Variants in ZNF23 observed in about 807,000 individuals in gnomAD.
The protein encoded by ZNF23 is kruppel-like zinc finger factor X31.
A neutral mutation model predicts 56.2 loss-of-function variants in ZNF23; 48 were observed. That is an observed-to-expected ratio of 0.85 (90% CI 0.68 to 1.09). The LOEUF (loss-of-function observed/expected upper bound fraction) is 1.09, where lower values mean the gene tolerates loss of function less well. ZNF23 is among the 50% of genes least tolerant of loss of function. ZNF23 has a pLI of 0.00. For synonymous variants in ZNF23, 266 were observed against 283.3 expected, an observed-to-expected ratio of 0.94 and a Z score of 0.61; for missense variants, 805 against 811.4, an observed-to-expected ratio of 0.99 and a Z score of 0.10.
At chr16:71,460,174 T>TA (rs2043390189) in intron 1 of ZNF23, among the ~76,000 whole-genome samples, 1 of 152,154 alleles carries the variant, frequency 6.6e-6, no homozygotes, top group South Asian at 2.1e-4. Flanking sequence ...AAAAAGTACT[T>TA]AGAGACGAGG....
intron 1 of ZNF23, among the ~76,000 whole-genome samples, chr16:71,458,326 C>T (rs896303391): frequency 6.6e-6 from 1 of 152,180 alleles, no homozygotes; most frequent in Non-Finnish European, 1.5e-5. Context: ...AAATATCATC[C>T]ATTTCTTCCA....
rs1567559030 is a variant in ZNF23 at position 71,448,125 on chromosome 16, G to A, written c.2029C>T (p.His677Tyr). ...TTTCCTTCACTATGGACACTCTGAT[G>A]CTGACTGAGCTGGAAGCTAAACCTG... The part of the protein sequence containing the change: ...AFRFSFQLSQ[H>Y]QSVHSEGKS Residue 677 changes from histidine to tyrosine, a missense_variant, in exon 5 of 5, where the codon CAT becomes TAT. Transcript: ENST00000647773. The A allele has an allele frequency of 3.7e-6, 6 of 1,612,200 alleles. No homozygotes were observed. In the South Asian group the frequency reaches 6.6e-5, roughly 18 times the overall value.
intron 1 of ZNF23, among the ~76,000 whole-genome samples, chr16:71,461,460 A>C (rs1483927534): frequency 6.6e-6 from 1 of 152,242 alleles, no homozygotes; most frequent in East Asian, 1.9e-4. Flanking sequence ...TTTTGACTAA[A>C]TACCATAAGA....
intron 1 of ZNF23, among the ~76,000 whole-genome samples, chr16:71,458,888 T>C (rs573085018): frequency 1.0e-3 from 156 of 152,350 alleles, no homozygotes; most frequent in African/African-American, 3.5e-3. Context: ...ACTAATACAG[T>C]TAGGCTGAGC....
chr16:71,447,828 G>A lies in ZNF23; in HGVS notation c.*265C>T. 3.6e-6 allele frequency: 1 copy of A among 280,756 alleles called. No homozygotes were observed. The highest frequency in any genetic ancestry group is 6.6e-6 in the Non-Finnish European group (1 of 151,948). The allele number at this position is 280,756 out of a possible 1,614,324, so 17.4% of individuals were successfully genotyped here. A position where few individuals can be genotyped will look rare whatever the true frequency, so the allele number is the denominator to read the frequency against. ...AGTCCTCCATAACTGTTTATTTCTA[G>A]AAAATCTACTTTTCTTGATGCTGCT... On this transcript the variant is annotated 3_prime_UTR_variant, in exon 5 of 5. Coordinates refer to ENST00000647773, the MANE Select transcript of ZNF23 (RefSeq NM_001381984.1).
intron 2 of ZNF23, among the ~76,000 whole-genome samples, chr16:71,454,389 A>G (rs1313919162): frequency 6.6e-6 from 1 of 152,192 alleles, no homozygotes; most frequent in Admixed American, 6.5e-5. Flanking sequence ...TTTCACACAA[A>G]TAAGAGGTCA....
Position 71,454,056 on chromosome 16 carries a change from T to C in ZNF23, c.146A>G (p.Asn49Ser). Reference protein sequence around the residue: ...YRDVMLENYGNVASLGFPLLK... With the variant: ...YRDVMLENYGSVASLGFPLLK... ...AGAGGTCTTACCCAGGGAGGCCACA[T>C]TCCCATAATTCTCCAGCATCACATC... The change falls in exon 3 of 5, where the codon AAT (asparagine) becomes AGT (serine). Residue 49 changes from asparagine (N) to serine (S), a missense_variant. Asn to Ser is a conservative substitution (Grantham distance 46). Transcript: ENST00000647773. 1 of 1,614,106 alleles carries C rather than the reference T, an allele frequency of 6.2e-7. No individual in the cohort carries two copies. Among genetic ancestry groups the C allele is most frequent in the Non-Finnish European group, 8.5e-7 (1 of 1,180,004 alleles).
At chr16:71,452,477 G>T (rs1378663267) in intron 4 of ZNF23, 2 of 152,224 alleles carry the variant, frequency 1.3e-5, no homozygotes, top group Non-Finnish European at 2.9e-5. Context: ...GTAACCAGAA[G>T]TACTGGCATC....
At chr16:71,456,743 C>G (rs1038507427) in intron 2 of ZNF23, 21 bp downstream of exon 2, 2 of 985,958 alleles carry the variant, frequency 2.0e-6, no homozygotes, top group Admixed American at 6.1e-5. Context: ...AGAGGAAGAG[C>G]TGAAGGACCC....
rs1170593378 is a variant in ZNF23, at chr16:71,448,718, C to T, written c.1436G>A (p.Arg479Gln). The T allele has an allele frequency of 1.1e-5, 17 of 1,613,850 alleles. No homozygotes were observed. Among genetic ancestry groups the T allele is most frequent in the South Asian group, 3.3e-5 (3 of 91,064 alleles). Residue 479 changes from arginine to glutamine, a missense_variant, in exon 5 of 5, where the codon CGG becomes CAG. Transcript: ENST00000647773. ...GKAFRCNSQF[R>Q]QHLRIHTGEK... ...CCCAGTGTGAATTCTCAGATGCTGC[C>T]GAAATTGGGAGTTACATCTGAAGGC... is the stretch of plus-strand genomic sequence containing the variant.
chr16:71,461,991 C>T (rs2043476910), intron 1 of ZNF23: 1 of 152,308 alleles, frequency 6.6e-6, no homozygotes, highest in Non-Finnish European at 1.5e-5. Flanking sequence ...GTTTCCCCTT[C>T]CAATGGGCGC....
At position 71,448,263 on chromosome 16, in the gene ZNF23, A is replaced by AG. The variant is rs754118349; in HGVS notation, c.1890dup (p.Phe631LeufsTer13). ...CCTTTGCCACATTCCACACATCTGA[A>AG]GGGTTTCTCCCCAGTGTGGCTTCTC... On this transcript the variant is annotated frameshift_variant, in exon 5 of 5. Transcript: ENST00000647773. LOFTEE classifies it high-confidence loss of function. 3.1e-6 allele frequency: 5 copies of AG among 1,614,118 alleles called. No individual in the cohort carries two copies. In the African/African-American group the frequency reaches 6.7e-5, roughly 22 times the overall value.
intron 1 of ZNF23, among the ~76,000 whole-genome samples, chr16:71,457,833 C>T (rs1013345477): frequency 6.6e-6 from 1 of 152,218 alleles, no homozygotes; most frequent in African/African-American, 2.4e-5. Context: ...ATACCAAGAT[C>T]TTTGACTTAT....
intron 1 of ZNF23, among the ~76,000 whole-genome samples, chr16:71,460,834 T>A (rs1392318863): frequency 6.6e-6 from 1 of 152,212 alleles, no homozygotes; most frequent in Non-Finnish European, 1.5e-5. Context: ...AACTCTCATA[T>A]GTAGGAAGTA....
Position 71,448,477 on chromosome 16 carries a change from A to G in ZNF23, c.1677T>C (p.Asn559=), listed in dbSNP as rs200313433. 249 of 1,614,102 alleles carry G rather than the reference A, an allele frequency of 1.5e-4. No individual in the cohort carries two copies. Among genetic ancestry groups the G allele is most frequent in the Non-Finnish European group, 2.0e-4 (234 of 1,180,040 alleles). ...TCCTCTGATGCCTAGTTAGTTTGGC[A>G]TTGATACTGAAGGCTTTCCCACATT... ...CKECGKAFSI[N]AKLTRHQRIH... Residue 559 remains asparagine (N), a synonymous_variant, in exon 5 of 5, where the codon AAT becomes AAC. Coordinates refer to ENST00000647773, the MANE Select transcript of ZNF23 (RefSeq NM_001381984.1).
intron 2 of ZNF23, among the ~76,000 whole-genome samples, chr16:71,456,436 C>T (rs1369440707): frequency 6.6e-6 from 1 of 152,166 alleles, no homozygotes; most frequent in East Asian, 1.9e-4. Context: ...CTGTGCTCCA[C>T]TGACACCCCT....
In ZNF23 at chr16:71,449,066, T is replaced by C; in HGVS notation, c.1088A>G (p.Asn363Ser). ...TCTCTGATGTTGAATTAATTTTGCA[T>C]TAACATTGAACGCTTTCCCACAGTC... ...CNDCGKAFNV[N>S]AKLIQHQRIH... Residue 363 changes from asparagine (N) to serine (S), a missense_variant, in exon 5 of 5, where the codon AAT becomes AGT. Coordinates refer to ENST00000647773, the MANE Select transcript of ZNF23 (RefSeq NM_001381984.1). 6.2e-7 allele frequency: 1 copy of C among 1,614,220 alleles called. No individual in the cohort carries two copies.
rs751883019 is a variant in ZNF23 at position 71,449,283 on chromosome 16, C to G, written c.871G>C (p.Gly291Arg). 1.2e-6 allele frequency: 2 copies of G among 1,614,102 alleles called. No individual in the cohort carries two copies. The highest frequency in any genetic ancestry group is 2.2e-5 in the South Asian group (2 of 91,084). Residue 291 changes from glycine (G) to arginine (R), a missense_variant, in exon 5 of 5, where the codon GGG (glycine) becomes CGG (arginine). Physicochemically the swap from Gly to Arg is moderately radical, Grantham distance 125. Coordinates refer to ENST00000647773, the MANE Select transcript of ZNF23 (RefSeq NM_001381984.1). ...ATCTTACACTGATAGGGCTTCTCCC[C>G]ACTGTGGATTGTCTGATGTGTGATA... The part of the protein sequence containing the change: ...HYITHQTIHS[G>R]EKPYQCKMCG...
intron 4 of ZNF23, chr16:71,450,611 C>T (rs764238474): frequency 1.3e-5 from 5 of 394,166 alleles, no homozygotes; most frequent in Middle Eastern, 7.1e-4. Context: ...TCCAGCTACT[C>T]GGGAGGATGA....
Sources: gnomAD v4.1 joint callset for allele counts (sites outside exome capture counted in the v4.1 genomes callset) on GRCh38, gnomAD v4.1.1 for gene constraint, MANE v1.5 for transcripts, NCBI Gene and HGNC (gene_info 2026-07-23, HGNC 2026-07-21) for gene names.